PCBP3: variants seen among roughly 807,000 people sequenced by gnomAD.
The protein encoded by PCBP3 is poly(rC) binding protein 3.
In PCBP3, 25 loss-of-function variants were observed where a neutral mutation model predicts 52.7. The observed-to-expected ratio is 0.47, with a 90% CI of 0.35 to 0.66. PCBP3 has a LOEUF of 0.66. Ranked by LOEUF, PCBP3 falls within the 30% of genes least tolerant of loss-of-function variation. The pLI is 0.01. For missense variants in PCBP3, 391 were observed against 490.3 expected (o/e 0.80, Z 1.91); for synonymous variants, 162 against 183.0 (o/e 0.89, Z 0.93).
intron 3 of PCBP3, among the ~76,000 whole-genome samples, chr21:45,748,848 G>A (rs946090267): frequency 1.3e-5 from 2 of 152,210 alleles, no homozygotes; most frequent in African/African-American, 4.8e-5. Flanking sequence ...TCCAGAGACT[G>A]TGTTCTGCTT....
Position 45,791,469 on chromosome 21 carries a change from G to A in PCBP3, c.-126+36017G>A, listed in dbSNP as rs957828552. On this transcript the variant is annotated intron_variant, in intron 4 of 17. Transcript: ENST00000681687. This position sits in a 1 kb window ranked among gnomAD's most constrained non-coding sequence, Gnocchi z 4.2. ...GAGACTTTAATAGGGTGTGGCTTTT[G>A]TCAAGCAAGGACAAGGAACCAAGCG... Among the ~76,000 whole-genome samples, 4 of 149,382 alleles carry A rather than the reference G, an allele frequency of 2.7e-5. No homozygotes were observed. The highest frequency in any genetic ancestry group is 6.7e-5 in the Admixed American group (1 of 14,916).
chr21:45,932,575 A>C (rs2076383335), intron 15 of PCBP3, among the ~76,000 whole-genome samples: 1 of 151,784 alleles, frequency 6.6e-6, no homozygotes, highest in African/African-American at 2.4e-5. Flanking sequence ...CTGTCCTGAG[A>C]TGAACGAACA....
intron 3 of PCBP3, among the ~76,000 whole-genome samples, chr21:45,754,391 G>A (rs1236950369): frequency 6.6e-6 from 1 of 152,072 alleles, no homozygotes; most frequent in Non-Finnish European, 1.5e-5. Context: ...TTTTGATTTT[G>A]GTGATTAATC....
At chr21:45,797,751 A>AATACATGGATGGAC (rs2092035469) in intron 4 of PCBP3, among the ~76,000 whole-genome samples, 1 of 5,342 alleles carries the variant, frequency 1.9e-4, no homozygotes. Context: ...ATCCATAGAG[A>AATACATGGATGGAC]GAGTGAATGG....
intron 4 of PCBP3, among the ~76,000 whole-genome samples, chr21:45,796,006 A>G (rs2091903028): frequency 6.6e-6 from 1 of 152,216 alleles, no homozygotes; most frequent in Non-Finnish European, 1.5e-5. Context: ...AACTGCCTCA[A>G]TGTATGTAAT....
intron 2 of PCBP3, among the ~76,000 whole-genome samples, chr21:45,721,894 C>T (rs1355066178): frequency 6.6e-6 from 1 of 152,162 alleles, no homozygotes; most frequent in Non-Finnish European, 1.5e-5. Context: ...AGTCACTTTG[C>T]GTGTCTCAGA....
At chr21:45,654,428 C>T (rs1364420737) in intron 1 of PCBP3, among the ~76,000 whole-genome samples, 1 of 150,730 alleles carries the variant, frequency 6.6e-6, no homozygotes, top group African/African-American at 2.4e-5. Flanking sequence ...GCAGCCTCCA[C>T]CTCCCAGGTT....
At chr21:45,894,851 C>T (rs764090403) in intron 5 of PCBP3, among the ~76,000 whole-genome samples, 2 of 152,154 alleles carry the variant, frequency 1.3e-5, no homozygotes, top group African/African-American at 2.4e-5. Context: ...TTAAATGCAA[C>T]GTGAAAATCC....
Position 45,909,389 on chromosome 21 carries a change from C to T in PCBP3, c.374C>T (p.Thr125Ile), listed in dbSNP as rs1310803211. 8 of 1,613,212 alleles carry T rather than the reference C, an allele frequency of 5.0e-6. No homozygotes were observed. In the East Asian group the frequency reaches 1.8e-4, roughly 36 times the overall value. ...IINSMSNSPA[T>I]SKPPVTLRLV... The stretch of plus-strand genomic sequence containing the variant: ...AACTCCATGAGCAACAGCCCTGCCA[C>T]CAGCAAGCCCCCAGTGACGCTGAGG... Residue 125 changes from threonine (T) to isoleucine (I), a missense_variant, in exon 10 of 18, where the codon ACC becomes ATC. Thr to Ile is a moderately conservative substitution (Grantham distance 89). Transcript: ENST00000681687.
chr21:45,673,640 A>C (rs1246301780), intron 2 of PCBP3: 1 of 152,164 alleles, frequency 6.6e-6, no homozygotes, highest in Non-Finnish European at 1.5e-5. Flanking sequence ...GCCCTTGTGG[A>C]AGCAACATGA....
At chr21:45,902,714 T>C (rs1403255828) in intron 9 of PCBP3, among the ~76,000 whole-genome samples, 1 of 152,174 alleles carries the variant, frequency 6.6e-6, no homozygotes, top group African/African-American at 2.4e-5. Context: ...TCATAGCCGC[T>C]CCTTAGGGTG....
intron 3 of PCBP3, among the ~76,000 whole-genome samples, chr21:45,740,212 A>G (rs1232557694): frequency 2.6e-5 from 4 of 152,212 alleles, no homozygotes; most frequent in African/African-American, 9.7e-5. Flanking sequence ...AAGTGCAAGG[A>G]GCCCTCGCTG....
chr21:45,720,616 A>C (rs187087276), intron 2 of PCBP3, among the ~76,000 whole-genome samples: 1 of 152,360 alleles, frequency 6.6e-6, no homozygotes, highest in African/African-American at 2.4e-5. Context: ...AAATACAATA[A>C]TTGTAAAATT....
At chr21:45,693,060 A>G (rs1436796263) in intron 2 of PCBP3, among the ~76,000 whole-genome samples, 7 of 152,194 alleles carry the variant, frequency 4.6e-5, no homozygotes, top group African/African-American at 1.7e-4. Flanking sequence ...ATAGTTGCAG[A>G]AAAACATTTG....
intron 9 of PCBP3, among the ~76,000 whole-genome samples, chr21:45,908,918 G>A (rs776750704): frequency 5.3e-5 from 8 of 151,996 alleles, no homozygotes; most frequent in South Asian, 2.1e-4. Flanking sequence ...CTCTGCCCCC[G>A]TGCCCTCCAC....
At chr21:45,681,918 A>G (rs967162976) in intron 2 of PCBP3, among the ~76,000 whole-genome samples, 2 of 152,152 alleles carry the variant, frequency 1.3e-5, no homozygotes, top group African/African-American at 2.4e-5. Context: ...ATATCCAATT[A>G]TTATATCTAT....
At chr21:45,826,965 G>T (rs2093324373) in intron 4 of PCBP3, among the ~76,000 whole-genome samples, 1 of 152,024 alleles carries the variant, frequency 6.6e-6, no homozygotes, top group African/African-American at 2.4e-5. Flanking sequence ...CCGTGTCAAG[G>T]TGCTCCAGTC....
At chr21:45,818,316 G>A (rs1258480135) in intron 4 of PCBP3, among the ~76,000 whole-genome samples, 4 of 152,070 alleles carry the variant, frequency 2.6e-5, no homozygotes, top group East Asian at 1.9e-4. Flanking sequence ...CCACCGCGCC[G>A]GCCTGGTTCA....
Position 45,737,981 on chromosome 21 carries a change from C to T in PCBP3, c.-162+2552C>T, listed in dbSNP as rs145774535. 5.6e-4 allele frequency among the ~76,000 whole-genome samples: 86 copies of T among 152,214 alleles called. 1 individual carries two copies. The East Asian group carries it at 0.016, about 29-fold the overall frequency. ...ACTCTTCCCCCTTCCTGAGAGAGAGCGATGAATGTAGGCCTCCATGGAGAA... is the reference window on the plus strand; with the variant it reads ...ACTCTTCCCCCTTCCTGAGAGAGAGTGATGAATGTAGGCCTCCATGGAGAA... On this transcript the variant is annotated intron_variant, in intron 3 of 17. Coordinates refer to ENST00000681687, the MANE Select transcript of PCBP3 (RefSeq NM_001384156.1). The surrounding 1 kb of genome is among the most constrained non-coding windows in gnomAD (Gnocchi z 4.9).
Sources: gnomAD v4.1 joint callset for allele counts (sites outside exome capture counted in the v4.1 genomes callset) on GRCh38, gnomAD v4.1.1 for gene constraint, Gnocchi (gnomAD v3.1) non-coding constraint, MANE v1.5 for transcripts, NCBI Gene and HGNC (gene_info 2026-07-23, HGNC 2026-07-21) for gene names.